PALLD: variants seen among roughly 807,000 people sequenced by gnomAD.
The protein encoded by PALLD is palladin.
In PALLD, 61 loss-of-function variants were observed where a neutral mutation model predicts 123.5. That is an observed-to-expected ratio of 0.49 (90% CI 0.40 to 0.61). The LOEUF is 0.61. Ranked by LOEUF, PALLD falls within the 20% of genes least tolerant of loss-of-function variation. PALLD has a pLI of 0.00. For synonymous variants in PALLD, 465 were observed against 496.4 expected (o/e 0.94, Z 0.84); for missense variants, 1,273 against 1,377.0 (o/e 0.92, Z 1.20).
intron 10 of PALLD, among the ~76,000 whole-genome samples, chr4:168,867,002 T>C (rs1750383999): frequency 6.6e-6 from 1 of 152,208 alleles, no homozygotes; most frequent in African/African-American, 2.4e-5. Flanking sequence ...ATAAGATAAG[T>C]CGTGGTGCTT....
intron 10 of PALLD, among the ~76,000 whole-genome samples, chr4:168,829,986 C>G (rs926759047): frequency 1.3e-5 from 2 of 152,184 alleles, no homozygotes; most frequent in African/African-American, 4.8e-5. Context: ...AATCCCAGCA[C>G]TTTGGGAGGC....
At position 168,844,864 on chromosome 4, in the gene PALLD, G is replaced by GCCT. The variant is rs1746581905; in HGVS notation, c.1965-46058_1965-46057insCCT. On this transcript the variant is annotated intron_variant, in intron 10 of 21. Coordinates refer to ENST00000505667, the MANE Select transcript of PALLD (RefSeq NM_001166108.2). The surrounding 1 kb of genome is among the most constrained non-coding windows in gnomAD (Gnocchi z 4.5). ...TCCCGACTAAGTAGGACATTGACCA[G>GCCT]GCCATCATGGGTTAGGCTCGGAAGG... 6.6e-6 allele frequency: 1 copy of GCCT among 152,280 alleles called. No individual in the cohort carries two copies. The highest frequency in any genetic ancestry group is 2.4e-5 in the African/African-American group (1 of 41,458). 9.4% of individuals were successfully genotyped at this position (152,280 alleles called of 1,614,324 possible).
intron 10 of PALLD, among the ~76,000 whole-genome samples, chr4:168,800,990 G>A (rs989732816): frequency 2.6e-5 from 4 of 152,008 alleles, no homozygotes; most frequent in Admixed American, 2.6e-4. Flanking sequence ...ACATAATATA[G>A]AACAAAAGCA....
At chr4:168,575,977 A>G (rs1472433584) in intron 2 of PALLD, among the ~76,000 whole-genome samples, 2 of 152,152 alleles carry the variant, frequency 1.3e-5, no homozygotes, top group Non-Finnish European at 2.9e-5. Flanking sequence ...AGCTCCAGGT[A>G]TTTCTATTAC....
At chr4:168,743,411 C>T (rs936167479) in intron 10 of PALLD, among the ~76,000 whole-genome samples, 5 of 151,806 alleles carry the variant, frequency 3.3e-5, no homozygotes, top group Non-Finnish European at 5.9e-5. Context: ...CAATTACTTT[C>T]GAGATTTTTT....
At chr4:168,743,634 C>T (rs144183741) in intron 10 of PALLD, among the ~76,000 whole-genome samples, 1 of 152,042 alleles carries the variant, frequency 6.6e-6, no homozygotes, top group Admixed American at 6.5e-5. Flanking sequence ...CTTTGGTTGG[C>T]GATGCTCACC....
rs1056018255 is a variant in PALLD, at chr4:168,668,205, G to A, written c.924G>A (p.Gly308=). Reference sequence around the variant, plus strand: ...TGGCCTGCAGATGGTTCTGTGAAGGGAAAGAACTGCACAACACTCCTGATA... The same window carrying A: ...TGGCCTGCAGATGGTTCTGTGAAGGAAAAGAACTGCACAACACTCCTGATA... ...PTPRVRWFCE[G]KELHNTPDIQ... Residue 308 remains glycine, a synonymous_variant, in exon 3 of 22, where the codon GGG becomes GGA. Transcript: ENST00000505667. 1 of 1,614,034 alleles carries A rather than the reference G, an allele frequency of 6.2e-7. No individual in the cohort carries two copies. The highest frequency in any genetic ancestry group is 8.5e-7 in the Non-Finnish European group (1 of 1,179,912).
At chr4:168,659,787 C>T (rs145329427) in intron 2 of PALLD, among the ~76,000 whole-genome samples, 59 of 152,196 alleles carry the variant, frequency 3.9e-4, no homozygotes, top group African/African-American at 1.4e-3. Flanking sequence ...AAATACAGTG[C>T]ACAGAGAATT....
intron 10 of PALLD, among the ~76,000 whole-genome samples, chr4:168,867,231 T>C (rs1750414349): frequency 6.6e-6 from 1 of 152,208 alleles, no homozygotes; most frequent in Non-Finnish European, 1.5e-5. Context: ...AAATGGTGTT[T>C]GGTACATAGT....
chr4:168,752,859 TA>T (rs1377908926), intron 10 of PALLD, among the ~76,000 whole-genome samples: 1 of 152,140 alleles, frequency 6.6e-6, no homozygotes, highest in Non-Finnish European at 1.5e-5. Context: ...TAAAATCTTT[TA>T]AAACTTATAG....
At chr4:168,832,143 A>G in intron 10 of PALLD, 2 of 985,550 alleles carry the variant, frequency 2.0e-6, no homozygotes, top group Non-Finnish European at 2.4e-6. Flanking sequence ...GGAATCGGGC[A>G]GCAGCGGGAG....
chr4:168,834,022 T>G (rs996819781), intron 10 of PALLD, among the ~76,000 whole-genome samples: 1 of 150,300 alleles, frequency 6.7e-6, no homozygotes, highest in African/African-American at 2.5e-5. Context: ...CTTTACTTAT[T>G]TTTTTTACTG....
chr4:168,584,503 T>C (rs1770616156), intron 2 of PALLD, among the ~76,000 whole-genome samples: 1 of 152,226 alleles, frequency 6.6e-6, no homozygotes. Flanking sequence ...ACTTAATCCT[T>C]CATTAGAGTA....
At chr4:168,670,902 C>T (rs888056247) in intron 3 of PALLD, among the ~76,000 whole-genome samples, 4 of 151,304 alleles carry the variant, frequency 2.6e-5, no homozygotes, top group Non-Finnish European at 5.9e-5. Context: ...CCCATCTCTA[C>T]TAAAAATACA....
chr4:168,762,273 G>A (rs1326530700), intron 10 of PALLD, among the ~76,000 whole-genome samples: 1 of 152,092 alleles, frequency 6.6e-6, no homozygotes, highest in Non-Finnish European at 1.5e-5. Context: ...AGGAGTTTGA[G>A]ACCAGCCTGG....
At chr4:168,804,325 G>A (rs536067530) in intron 10 of PALLD, among the ~76,000 whole-genome samples, 2 of 152,348 alleles carry the variant, frequency 1.3e-5, no homozygotes, top group African/African-American at 2.4e-5. Context: ...GAAACCAGCT[G>A]CTTTTTCACC....
At chr4:168,757,475 C>T (rs1381542729) in intron 10 of PALLD, among the ~76,000 whole-genome samples, 2 of 152,114 alleles carry the variant, frequency 1.3e-5, no homozygotes, top group African/African-American at 4.8e-5. Context: ...ACAATGGAAA[C>T]GTTAAGAAAT....
chr4:168,877,865 T>C (rs1343048506), intron 10 of PALLD: 65 of 1,411,476 alleles, frequency 4.6e-5, no homozygotes, highest in Non-Finnish European at 5.7e-5. Context: ...GCTCGCGGCC[T>C]GCACGCCGCC....
intron 2 of PALLD, among the ~76,000 whole-genome samples, chr4:168,630,141 C>T (rs1401501733): frequency 6.6e-6 from 1 of 152,182 alleles, no homozygotes; most frequent in Non-Finnish European, 1.5e-5. Flanking sequence ...TTTCTAAGAA[C>T]CCTTGCTGGA....
Sources: gnomAD v4.1 joint callset for allele counts (sites outside exome capture counted in the v4.1 genomes callset) on GRCh38, gnomAD v4.1.1 for gene constraint, Gnocchi (gnomAD v3.1) non-coding constraint, MANE v1.5 for transcripts, NCBI Gene and HGNC (gene_info 2026-07-23, HGNC 2026-07-21) for gene names.